Variants in ARL15 observed in about 807,000 individuals in gnomAD.
ARL15 encodes ADP-ribosylation factor-like protein 15.
In ARL15, 19 loss-of-function variants were observed where a neutral mutation model predicts 25.2. The ratio of observed to expected loss-of-function variants is 0.75; its 90% CI spans 0.53 to 1.10. The LOEUF (loss-of-function observed/expected upper bound fraction) is 1.10. ARL15 is among the 50% of genes least tolerant of loss of function. The pLI is 0.00. For synonymous variants in ARL15, 94 were observed against 86.8 expected, an observed-to-expected ratio of 1.08 and a Z score of -0.46; for missense variants, 220 against 246.0, an observed-to-expected ratio of 0.89 and a Z score of 0.71.
At chr5:54,066,818 C>A (rs989856154) in intron 4 of ARL15, among the ~76,000 whole-genome samples, 1 of 151,930 alleles carries the variant, frequency 6.6e-6, no homozygotes, top group African/African-American at 2.4e-5. Flanking sequence ...TCTTACTATA[C>A]AAGAAACTAA....
intron 4 of ARL15, among the ~76,000 whole-genome samples, chr5:53,991,091 A>G (rs1748474818): frequency 6.6e-6 from 1 of 152,114 alleles, no homozygotes; most frequent in Admixed American, 6.6e-5. Context: ...AGCCAATGAG[A>G]TAACTGAATT....
chr5:54,192,733 C>T (rs1217219105), intron 1 of ARL15, among the ~76,000 whole-genome samples: 1 of 151,868 alleles, frequency 6.6e-6, no homozygotes, highest in Non-Finnish European at 1.5e-5. Context: ...AGAAACCAGT[C>T]AGTCTGTTGA....
In ARL15 at chr5:54,197,994, C is replaced by T. The variant is rs570891242; in HGVS notation, c.49-26066G>A. ...TGGGATGCAAGGCTGGTTCAATATA[C>T]GCAAATCAATAAATGTAATCCAGCA... On this transcript the variant is annotated intron_variant, in intron 1 of 4. Transcript: ENST00000504924. Among the ~76,000 whole-genome samples, 366 of 151,652 alleles carry T rather than the reference C, an allele frequency of 2.4e-3. 1 individual carries two copies. The highest frequency in any genetic ancestry group is 7.6e-3 in the East Asian group (39 of 5,162).
rs1015347841 is a variant in ARL15 at position 54,083,748 on chromosome 5, C to T, written c.462+29454G>A. On this transcript the variant is annotated intron_variant, in intron 4 of 4. Coordinates refer to ENST00000504924, the MANE Select transcript of ARL15 (RefSeq NM_019087.3). ...GTAAATCGATAACTATAATACATGACTATAATAATGTAGAACTGTGAGTTC... is the reference window on the plus strand; with the variant it reads ...GTAAATCGATAACTATAATACATGATTATAATAATGTAGAACTGTGAGTTC... 4.3e-4 allele frequency among the ~76,000 whole-genome samples: 65 copies of T among 152,220 alleles called. 1 individual carries two copies. Among genetic ancestry groups the T allele is most frequent in the African/African-American group, 1.4e-3 (59 of 41,522 alleles).
chr5:53,985,546 A>G (rs1238939361), intron 4 of ARL15, among the ~76,000 whole-genome samples: 3 of 152,198 alleles, frequency 2.0e-5, no homozygotes, highest in Non-Finnish European at 4.4e-5. Context: ...TCTTGATTTA[A>G]GAGAATCACA....
intron 4 of ARL15, among the ~76,000 whole-genome samples, chr5:54,004,321 C>T (rs999498744): frequency 7.9e-5 from 12 of 151,920 alleles, no homozygotes; most frequent in East Asian, 1.9e-4. Context: ...GGTGAAACCC[C>T]GTCTCTATTA....
At chr5:54,136,503 A>G (rs998924249) in intron 3 of ARL15, among the ~76,000 whole-genome samples, 1 of 152,216 alleles carries the variant, frequency 6.6e-6, no homozygotes, top group Non-Finnish European at 1.5e-5. Context: ...CTCGCATTCA[A>G]ATTAAAACCA....
At chr5:54,007,088 A>C (rs1010240875) in intron 4 of ARL15, among the ~76,000 whole-genome samples, 4 of 152,202 alleles carry the variant, frequency 2.6e-5, no homozygotes. Context: ...CTCTTCTGAA[A>C]GTCAAATTTT....
intron 4 of ARL15, among the ~76,000 whole-genome samples, chr5:54,018,391 C>A (rs995032825): frequency 1.3e-5 from 2 of 152,112 alleles, no homozygotes; most frequent in Non-Finnish European, 2.9e-5. Flanking sequence ...AATCTGTGAA[C>A]CATAAGTAAA....
At chr5:54,035,621 A>T (rs1397201530) in intron 4 of ARL15, among the ~76,000 whole-genome samples, 1 of 152,244 alleles carries the variant, frequency 6.6e-6, no homozygotes, top group African/African-American at 2.4e-5. Flanking sequence ...GGAACTAGAC[A>T]TCATTACTAA....
At chr5:54,114,417 A>AATAAATAAAAAT (rs1752835889) in intron 3 of ARL15, among the ~76,000 whole-genome samples, 1 of 148,964 alleles carries the variant, frequency 6.7e-6, no homozygotes. Flanking sequence ...AAAAAAAAAA[A>AATAAATAAAAAT]AAAAAGCAAC....
chr5:54,122,975 T>C (rs533551004), intron 3 of ARL15, among the ~76,000 whole-genome samples: 40 of 152,296 alleles, frequency 2.6e-4, no homozygotes, highest in Non-Finnish European at 4.0e-4. Context: ...GCCATTGATA[T>C]TTATTGATTA....
At chr5:54,097,606 T>G (rs1447803079) in intron 4 of ARL15, among the ~76,000 whole-genome samples, 4 of 152,148 alleles carry the variant, frequency 2.6e-5, no homozygotes, top group East Asian at 1.9e-4. Context: ...ATGAAGAAAA[T>G]TTTACATTCA....
At chr5:54,066,330 A>G (rs1018956271) in intron 4 of ARL15, among the ~76,000 whole-genome samples, 2 of 152,222 alleles carry the variant, frequency 1.3e-5, no homozygotes, top group African/African-American at 4.8e-5. Flanking sequence ...GTATACTCAT[A>G]AGGAGGCCAT....
intron 1 of ARL15, among the ~76,000 whole-genome samples, chr5:54,308,156 C>T (rs961880663): frequency 3.3e-5 from 5 of 152,018 alleles, no homozygotes; most frequent in African/African-American, 1.2e-4. Flanking sequence ...AAAAGGTGAA[C>T]ACAAAAAGGC....
intron 4 of ARL15, among the ~76,000 whole-genome samples, chr5:54,092,608 C>A (rs1284152138): frequency 3.3e-5 from 5 of 152,230 alleles, no homozygotes; most frequent in Non-Finnish European, 7.4e-5. Context: ...GGCTATTAAC[C>A]TTTTAATCTT....
chr5:54,262,590 TTTC>T (rs990902570), intron 1 of ARL15, among the ~76,000 whole-genome samples: 7 of 152,188 alleles, frequency 4.6e-5, no homozygotes, highest in Admixed American at 4.6e-4. Flanking sequence ...AGTTTTGTTA[TTTC>T]TTCTTCTTGT....
intron 4 of ARL15, among the ~76,000 whole-genome samples, chr5:54,045,066 T>C (rs922199831): frequency 8.5e-5 from 13 of 152,216 alleles, no homozygotes; most frequent in African/African-American, 2.9e-4. Flanking sequence ...CCACAAGTTA[T>C]ATAACGTTCC....
chr5:53,918,107 T>TA (rs1745715745), intron 4 of ARL15, among the ~76,000 whole-genome samples: 1 of 152,200 alleles, frequency 6.6e-6, no homozygotes, highest in Non-Finnish European at 1.5e-5. Flanking sequence ...GTATAACTAC[T>TA]AATGAATCAA....
Sources: gnomAD v4.1 joint callset for allele counts (sites outside exome capture counted in the v4.1 genomes callset) on GRCh38, gnomAD v4.1.1 for gene constraint, MANE v1.5 for transcripts, NCBI Gene and HGNC (gene_info 2026-07-23, HGNC 2026-07-21) for gene names.